The following ELOVL2 variants were observed in gnomAD, a reference collection of about 807,000 sequenced individuals.
ELOVL2 encodes the protein very long chain fatty acid elongase 2.
ELOVL2 carries 38 observed loss-of-function variants against 37.7 expected under a neutral mutation model. That is an observed-to-expected ratio of 1.01 (90% CI 0.78 to 1.32). The LOEUF is 1.32. ELOVL2 is among the 40% of genes most tolerant of loss of function. ELOVL2 has a pLI of 0.00. For missense variants in ELOVL2, 352 were observed against 363.6 expected, an observed-to-expected ratio of 0.97 and a Z score of 0.26; for synonymous variants, 115 against 122.3, an observed-to-expected ratio of 0.94 and a Z score of 0.40.
At chr6:10,991,752 A>G (rs568562544) in intron 5 of ELOVL2, among the ~76,000 whole-genome samples, 1 of 152,336 alleles carries the variant, frequency 6.6e-6, no homozygotes, top group Admixed American at 6.5e-5. Flanking sequence ...ACTACCAAGC[A>G]GCATAGTATT....
chr6:11,030,487 T>TTTTG (rs368185973), intron 1 of ELOVL2, among the ~76,000 whole-genome samples: 16 of 152,216 alleles, frequency 1.1e-4, no homozygotes, highest in African/African-American at 3.9e-4. Flanking sequence ...CAAATCTTTT[T>TTTTG]TTTGTTTGTT....
At chr6:11,020,948 A>T (rs1782757534) in intron 1 of ELOVL2, among the ~76,000 whole-genome samples, 1 of 152,236 alleles carries the variant, frequency 6.6e-6, no homozygotes. Flanking sequence ...GTGCTATAGT[A>T]GTTTGGATGT....
intron 7 of ELOVL2, among the ~76,000 whole-genome samples, chr6:10,988,723 T>C (rs1189461323): frequency 2.6e-5 from 4 of 152,218 alleles, no homozygotes; most frequent in Non-Finnish European, 5.9e-5. Context: ...AAACTAAGCT[T>C]TCCATTTCCC....
rs1783168040 is a variant in ELOVL2 at position 11,044,171 on chromosome 6, G to A, written c.3+57C>T. ...TCGGCCCTTTCCCGCCCGGTGCGTG[G>A]GTCCAGGAGAGAAAGAAAGCGCGGC... On this transcript the variant is annotated intron_variant, in intron 1 of 7. Transcript: ENST00000354666. The surrounding 1 kb of genome is among the most constrained non-coding windows in gnomAD (Gnocchi z 5.6). The A allele has an allele frequency of 2.1e-6, 3 of 1,444,478 alleles. No homozygotes were observed. The highest frequency in any genetic ancestry group is 1.4e-5 in the South Asian group (1 of 72,438). The allele number at this position is 1,444,478 out of a possible 1,614,324, so 89.5% of individuals were successfully genotyped here.
At chr6:11,038,481 AAAATAAATAAAT>A (rs1225013449) in intron 1 of ELOVL2, among the ~76,000 whole-genome samples, 1 of 151,952 alleles carries the variant, frequency 6.6e-6, no homozygotes, top group Non-Finnish European at 1.5e-5. Context: ...CTCCAGCTCA[AAAATAAATAAAT>A]AAATAAATAA....
chr6:10,987,123 C>T (rs9461394), intron 7 of ELOVL2, among the ~76,000 whole-genome samples: 32,208 of 151,978 alleles, frequency 0.21, 4,665 homozygotes, highest in East Asian at 0.64. Flanking sequence ...CTAGATTTTC[C>T]AGTTTATTTG....
chr6:11,029,158 G>A (rs1782881784), intron 1 of ELOVL2, among the ~76,000 whole-genome samples: 1 of 147,098 alleles, frequency 6.8e-6, no homozygotes, highest in South Asian at 2.2e-4. Flanking sequence ...AGCCTGGGAG[G>A]CGGAAGCTGT....
At chr6:11,015,819 C>CT (rs1446038330) in intron 1 of ELOVL2, 3 of 152,194 alleles carry the variant, frequency 2.0e-5, no homozygotes, top group Non-Finnish European at 4.4e-5. Flanking sequence ...ATCCCTAACT[C>CT]TATCAGTTGG....
At chr6:11,037,281 C>G (rs1229407831) in intron 1 of ELOVL2, among the ~76,000 whole-genome samples, 2 of 151,634 alleles carry the variant, frequency 1.3e-5, no homozygotes, top group African/African-American at 2.4e-5. Context: ...AACTTTTAAT[C>G]TAACTCCTCA....
chr6:11,012,442 AG>A lies in ELOVL2; in HGVS notation c.4-1634del, dbSNP rs1000770044. ...GGGGGCGGCTGACCAGAGGCCTCTCAGTCTTGAGCAAAGAATGTTAATCTCA... is the reference window on the plus strand; with the variant it reads ...GGGGGCGGCTGACCAGAGGCCTCTCATCTTGAGCAAAGAATGTTAATCTCA... On this transcript the variant is annotated intron_variant, in intron 1 of 7. Coordinates refer to ENST00000354666, the MANE Select transcript of ELOVL2 (RefSeq NM_017770.4). 2.6e-5 allele frequency among the ~76,000 whole-genome samples: 4 copies of A among 152,354 alleles called. No individual in the cohort carries two copies. In the South Asian group the frequency reaches 6.2e-4, roughly 24 times the overall value.
chr6:11,040,817 A>G (rs941534527), intron 1 of ELOVL2, among the ~76,000 whole-genome samples: 1 of 152,202 alleles, frequency 6.6e-6, no homozygotes, highest in Non-Finnish European at 1.5e-5. Flanking sequence ...ATGAAATATT[A>G]TCATCTTTTA....
intron 2 of ELOVL2, among the ~76,000 whole-genome samples, chr6:11,009,329 T>C (rs1297010808): frequency 6.6e-6 from 1 of 152,144 alleles, no homozygotes; most frequent in Non-Finnish European, 1.5e-5. Flanking sequence ...ATTTATAAAT[T>C]AGGCATAGTA....
At chr6:11,000,808 G>T (rs1055178006) in intron 3 of ELOVL2, among the ~76,000 whole-genome samples, 2 of 152,158 alleles carry the variant, frequency 1.3e-5, no homozygotes, top group Admixed American at 1.3e-4. Context: ...CTGCTACATG[G>T]TAAGTGTTCA....
chr6:10,983,892 C>CT lies in ELOVL2; in HGVS notation c.779dup (p.Pro261AlafsTer61). 1.2e-6 allele frequency: 2 copies of CT among 1,612,296 alleles called. No individual in the cohort carries two copies. Among genetic ancestry groups the CT allele is most frequent in the Non-Finnish European group, 1.7e-6 (2 of 1,179,392 alleles). On this transcript the variant is annotated frameshift_variant, in exon 8 of 8. Coordinates refer to ENST00000354666, the MANE Select transcript of ELOVL2 (RefSeq NM_017770.4). LOFTEE classifies it low-confidence loss of function (END_TRUNC). ...GCTCTTGCATATCTTTCTTCATTGG[C>CT]TTTTTTCGGTATGTCTGTTGGATGT... is the stretch of plus-strand genomic sequence containing the variant.
Position 10,995,169 on chromosome 6 carries a change from C to A in ELOVL2, c.343G>T (p.Val115Leu), listed in dbSNP as rs1485065484. ...AGEADIRVAKVLWWYYFSKSV... is the reference protein window; with the variant it reads ...AGEADIRVAKLLWWYYFSKSV... Reference sequence around the variant, plus strand: ...TTGGAGAAATAGTACCACCAAAGCACCTTGGCTACCTATAGAAATTTGTAA... The same window carrying A: ...TTGGAGAAATAGTACCACCAAAGCAACTTGGCTACCTATAGAAATTTGTAA... The change falls in exon 5 of 8, where the codon GTG becomes TTG. Residue 115 changes from valine to leucine, a missense_variant. Coordinates refer to ENST00000354666, the MANE Select transcript of ELOVL2 (RefSeq NM_017770.4). The A allele has an allele frequency of 6.2e-7, 1 of 1,603,404 alleles. No homozygotes were observed. The highest frequency in any genetic ancestry group is 2.2e-5 in the East Asian group (1 of 44,530).
At chr6:10,987,290 A>C (rs1782069350) in intron 7 of ELOVL2, among the ~76,000 whole-genome samples, 1 of 152,018 alleles carries the variant, frequency 6.6e-6, no homozygotes, top group Non-Finnish European at 1.5e-5. Context: ...TGATCCTTTC[A>C]AAAAACCAGC....
intron 1 of ELOVL2, chr6:11,043,433 A>ACACACACACC (rs1554114334): frequency 1.0e-5 from 1 of 99,328 alleles, no homozygotes; most frequent in Non-Finnish European, 1.9e-5. Flanking sequence ...ACACACACAC[A>ACACACACACC]GCTTACTGTC....
At chr6:11,037,214 AGGCAGAGGAGGAGAGAGACAGAG>A (rs374861372) in intron 1 of ELOVL2, among the ~76,000 whole-genome samples, 12 of 151,548 alleles carry the variant, frequency 7.9e-5, no homozygotes, top group East Asian at 7.8e-4. Context: ...AGGGAAAGAG[AGGCAGAGGAGGAGAGAGACAGAG>A]GAGGCAGAGA....
intron 5 of ELOVL2, among the ~76,000 whole-genome samples, chr6:10,993,083 C>CAACA (rs1388815415): frequency 2.0e-5 from 3 of 151,606 alleles, no homozygotes; most frequent in Non-Finnish European, 4.4e-5. Flanking sequence ...TAAATATAAC[C>CAACA]AACAATACTG....
Sources: gnomAD v4.1 joint callset for allele counts (sites outside exome capture counted in the v4.1 genomes callset) on GRCh38, gnomAD v4.1.1 for gene constraint, Gnocchi (gnomAD v3.1) non-coding constraint, MANE v1.5 for transcripts, NCBI Gene and HGNC (gene_info 2026-07-23, HGNC 2026-07-21) for gene names.